Variants in MED9 observed in about 807,000 individuals in gnomAD.
The protein encoded by MED9 is mediator complex subunit 9, also known as mediator of RNA polymerase II transcription subunit 9.
Under a neutral mutation model 13.2 loss-of-function variants are expected in MED9, and 8 were observed. The ratio of observed to expected loss-of-function variants is 0.61; its 90% CI spans 0.36 to 1.10. The LOEUF is 1.10. MED9 is among the 50% of genes least tolerant of loss of function. The pLI, the probability that MED9 is intolerant of heterozygous loss-of-function variation, is 0.02. For missense variants in MED9, 180 were observed against 193.4 expected, an observed-to-expected ratio of 0.93 and a Z score of 0.41; for synonymous variants, 87 against 82.8, an observed-to-expected ratio of 1.05 and a Z score of -0.28.
rs948229176 is a variant in MED9, at chr17:17,483,516, G to C, written c.224+6251G>C. Among the ~76,000 whole-genome samples the C allele has an allele frequency of 6.6e-6, 1 of 152,238 alleles. No homozygotes were observed. The highest frequency in any genetic ancestry group is 1.5e-5 in the Non-Finnish European group (1 of 68,046). ...CTCCTGTACCCCCAGGGACCCACCTGGTTCTGGGAGTGCTCTGGCTGGGAC... is the reference window on the plus strand; with the variant it reads ...CTCCTGTACCCCCAGGGACCCACCTCGTTCTGGGAGTGCTCTGGCTGGGAC... On this transcript the variant is annotated intron_variant, in intron 1 of 1. Coordinates refer to ENST00000268711, the MANE Select transcript of MED9 (RefSeq NM_018019.3). This position sits in a 1 kb window ranked among gnomAD's most constrained non-coding sequence, Gnocchi z 4.2.
rs1407944362 is a variant in MED9 at position 17,493,111 on chromosome 17, A to AGGGCTCCTC, written c.*1617_*1625dup. The AGGGCTCCTC allele has an allele frequency of 6.6e-6, 1 of 152,206 alleles. No homozygotes were observed. Among genetic ancestry groups the AGGGCTCCTC allele is most frequent in the Non-Finnish European group, 1.5e-5 (1 of 68,026 alleles). The allele number at this position is 152,206 out of a possible 1,614,324, so 9.4% of individuals were successfully genotyped here. ...TCTGAGTGCAAGGCTGAAATGGACA[A>AGGGCTCCTC]GGGCTCCTCACGGGGGTGGAGGGAG... On this transcript the variant is annotated 3_prime_UTR_variant, in exon 2 of 2. Transcript: ENST00000268711.
At position 17,477,075 on chromosome 17, in the gene MED9, G is replaced by C; in HGVS notation, c.34G>C (p.Ala12Pro). Residue 12 changes from alanine to proline, a missense_variant, in exon 1 of 2, where the codon GCG (alanine) becomes CCG (proline). Ala to Pro is a conservative substitution (Grantham distance 27, BLOSUM62 -1). Coordinates refer to ENST00000268711, the MANE Select transcript of MED9 (RefSeq NM_018019.3). Reference protein sequence around the residue: ...ASAGVAAGRQAEDVLPPTSDQ... With the variant: ...ASAGVAAGRQPEDVLPPTSDQ... Reference sequence around the variant, plus strand: ...TGCTGGGGTGGCAGCCGGGCGACAGGCGGAGGATGTATTGCCGCCAACGTC... The same window carrying C: ...TGCTGGGGTGGCAGCCGGGCGACAGCCGGAGGATGTATTGCCGCCAACGTC... The C allele has an allele frequency of 6.2e-7, 1 of 1,607,168 alleles. No homozygotes were observed.
chr17:17,487,667 G>T (rs1481595698), intron 1 of MED9: 2 of 177,042 alleles, frequency 1.1e-5, no homozygotes, highest in Non-Finnish European at 1.1e-5. Context: ...AGGGTCCGTG[G>T]CCTCATTCTT....
chr17:17,479,611 G>A lies in MED9; in HGVS notation c.224+2346G>A, dbSNP rs1411361726. On this transcript the variant is annotated intron_variant, in intron 1 of 1. Transcript: ENST00000268711. ...AGGCTGAGGCGAGCCGGTCGCTTGA[G>A]CCTGGGAGTTCAAGACCAGCCTGGG... Among the ~76,000 whole-genome samples, 7 of 151,784 alleles carry A rather than the reference G, an allele frequency of 4.6e-5. No individual in the cohort carries two copies. In the South Asian group the frequency reaches 1.5e-3, roughly 32 times the overall value.
At chr17:17,489,497 A>G (rs964244730) in intron 1 of MED9, among the ~76,000 whole-genome samples, 5 of 152,208 alleles carry the variant, frequency 3.3e-5, no homozygotes, top group Admixed American at 6.5e-5. Context: ...TTTAAAAACT[A>G]TATTTTAATT....
At chr17:17,479,519 T>TAA (rs35147742) in intron 1 of MED9, among the ~76,000 whole-genome samples, 10,230 of 144,956 alleles carry the variant, frequency 0.071, 697 homozygotes, top group African/African-American at 0.18. Flanking sequence ...GAAGGGAGTT[T>TAA]AAAAAAAAAA....
intron 1 of MED9, chr17:17,486,473 T>G (rs2660836): frequency 0.68 from 104,102 of 152,992 alleles, 36,168 homozygotes; most frequent in Non-Finnish European, 0.76. Flanking sequence ...GCTGGCCCCG[T>G]GCAATGAGGG....
chr17:17,477,774 A>T, intron 1 of MED9: 1 of 153,364 alleles, frequency 6.5e-6, no homozygotes, highest in East Asian at 1.9e-4. Context: ...AAAGATTGAG[A>T]CGGGAGTGGT....
At chr17:17,491,081 G>T (rs150919224) in intron 1 of MED9, among the ~76,000 whole-genome samples, 198 bp from the exon 2 acceptor site, 1 of 152,312 alleles carries the variant, frequency 6.6e-6, no homozygotes, top group African/African-American at 2.4e-5. Flanking sequence ...TGCTAGGCCT[G>T]GGAGCTCTGT....
At chr17:17,479,168 A>G (rs1273692838) in intron 1 of MED9, among the ~76,000 whole-genome samples, 2 of 152,206 alleles carry the variant, frequency 1.3e-5, no homozygotes, top group Non-Finnish European at 2.9e-5. Context: ...ACTAGAGAGA[A>G]CAGGCTTTGA....
chr17:17,479,668 T>C (rs1597849250), intron 1 of MED9, among the ~76,000 whole-genome samples: 1 of 151,576 alleles, frequency 6.6e-6, no homozygotes, highest in Admixed American at 6.6e-5. Context: ...CTACAAAAAA[T>C]ACAAAAAAAA....
At chr17:17,488,217 C>G (rs1905170662) in intron 1 of MED9, 1 of 152,372 alleles carries the variant, frequency 6.6e-6, no homozygotes, top group Non-Finnish European at 1.5e-5. Context: ...GTGTGAGGCA[C>G]AGTGCATGGA....
chr17:17,484,006 C>T (rs1905078374), intron 1 of MED9, among the ~76,000 whole-genome samples: 1 of 151,112 alleles, frequency 6.6e-6, no homozygotes, highest in South Asian at 2.1e-4. Flanking sequence ...TATTATAAAT[C>T]CCAACTTTGA....
intron 1 of MED9, chr17:17,486,815 C>T (rs1184564728): frequency 6.5e-6 from 1 of 153,096 alleles, no homozygotes; most frequent in Non-Finnish European, 1.5e-5. Flanking sequence ...AGCGGGGCTC[C>T]TGAGTCTGGT....
intron 1 of MED9, chr17:17,488,152 G>A (rs1223311269): frequency 6.6e-6 from 1 of 152,408 alleles, no homozygotes; most frequent in Admixed American, 6.5e-5. Context: ...CCTGTGGGCA[G>A]AGGAATGGAC....
At chr17:17,484,119 AACTTAACAAATTTGAATCTGAGT>A (rs1258565482) in intron 1 of MED9, among the ~76,000 whole-genome samples, 1 of 152,208 alleles carries the variant, frequency 6.6e-6, no homozygotes, top group East Asian at 1.9e-4. Context: ...TTTTCCTTCA[AACTTAACAAATTTGAATCTGAGT>A]TTGGAATGAA....
Position 17,492,515 on chromosome 17 carries a change from TAC to T in MED9, c.*1024_*1025del, listed in dbSNP as rs1297012909. On this transcript the variant is annotated 3_prime_UTR_variant, in exon 2 of 2. Transcript: ENST00000268711. ...CCAACCATAAGCTAGGTCTGAAAGTTACACAGCCAAGTTTGAGCTCTTAAAAG... is the reference window on the plus strand; with the variant it reads ...CCAACCATAAGCTAGGTCTGAAAGTTACAGCCAAGTTTGAGCTCTTAAAAG... 6.6e-6 allele frequency: 1 copy of T among 152,240 alleles called. No individual in the cohort carries two copies. Among genetic ancestry groups the T allele is most frequent in the Non-Finnish European group, 1.5e-5 (1 of 68,040 alleles). 9.4% of individuals were successfully genotyped at this position (152,240 alleles called of 1,614,324 possible). A position where few individuals can be genotyped will look rare whatever the true frequency, so the allele number is the denominator to read the frequency against.
intron 1 of MED9, among the ~76,000 whole-genome samples, chr17:17,484,833 C>T (rs1200322513): frequency 6.6e-6 from 1 of 152,178 alleles, no homozygotes; most frequent in East Asian, 1.9e-4. Context: ...TCAGCACTTC[C>T]TTAGTGGGCG....
In MED9 at chr17:17,491,686, G is replaced by C. The variant is rs866483308; in HGVS notation, c.*191G>C. 1.7e-6 allele frequency: 1 copy of C among 602,662 alleles called. No individual in the cohort carries two copies. The highest frequency in any genetic ancestry group is 1.9e-5 in the African/African-American group (1 of 53,842). 37.3% of individuals were successfully genotyped at this position (602,662 alleles called of 1,614,324 possible). A position where few individuals can be genotyped will look rare whatever the true frequency, so the allele number is the denominator to read the frequency against. ...CAGCGCAGAGCTTGGCTGCGCCGGG[G>C]GTTCCTCGTGTAGATCCATATGTCT... On this transcript the variant is annotated 3_prime_UTR_variant, in exon 2 of 2. Coordinates refer to ENST00000268711, the MANE Select transcript of MED9 (RefSeq NM_018019.3).
Sources: allele counts gnomAD v4.1 joint callset (sites outside exome capture counted in the v4.1 genomes callset), GRCh38; gene constraint gnomAD v4.1.1; non-coding constraint Gnocchi (gnomAD v3.1); transcripts MANE v1.5; gene names NCBI Gene and HGNC (gene_info 2026-07-23, HGNC 2026-07-21).